CNTNAP5: variants seen among roughly 807,000 people sequenced by gnomAD.
The protein encoded by CNTNAP5 is contactin-associated protein-like 5.
In CNTNAP5, 72 loss-of-function variants were observed where a neutral mutation model predicts 150.2. The ratio of observed to expected loss-of-function variants is 0.48; its 90% CI spans 0.40 to 0.58. The LOEUF is 0.58. Among genes scored for constraint, CNTNAP5 ranks in the 20% least tolerant of loss-of-function variants. The pLI is 0.00. For synonymous variants in CNTNAP5, 672 were observed against 619.8 expected (o/e 1.08, Z -1.25); for missense variants, 1,636 against 1,626.2 (o/e 1.01, Z -0.10).
intron 1 of CNTNAP5, among the ~76,000 whole-genome samples, chr2:124,139,671 AT>A (rs1197303942): frequency 6.6e-6 from 1 of 152,204 alleles, no homozygotes; most frequent in East Asian, 1.9e-4. Context: ...TCGGTCTCTC[AT>A]TAGTGCACAC....
Position 124,880,051 on chromosome 2 carries a change from G to T in CNTNAP5, c.3436+10289G>T, listed in dbSNP as rs563133010. Among the ~76,000 whole-genome samples the T allele has an allele frequency of 4.6e-5, 7 of 152,248 alleles. No homozygotes were observed. In the East Asian group the frequency reaches 1.4e-3, roughly 29 times the overall value. On this transcript the variant is annotated intron_variant, in intron 21 of 23. Coordinates refer to ENST00000682447, the MANE Select transcript of CNTNAP5 (RefSeq NM_001367498.1). ...AGGAGAGGGAATTGAGGCTCGAGGA[G>T]TGTTGTGTGGCCACTGGTTACTCAT...
chr2:124,243,854 T>C (rs1482954449), intron 3 of CNTNAP5, among the ~76,000 whole-genome samples: 1 of 152,200 alleles, frequency 6.6e-6, no homozygotes, highest in Non-Finnish European at 1.5e-5. Flanking sequence ...GGGACTATTT[T>C]ATTTTTTCTC....
Position 124,598,781 on chromosome 2 carries a change from C to G in CNTNAP5, c.1757-11020C>G, listed in dbSNP as rs549436680. Reference sequence around the variant, plus strand: ...TGCAGTTTGATCTCAGACTGCTGTCCTAGCAATCAGCGAGATTCCGTGGGC... The same window carrying G: ...TGCAGTTTGATCTCAGACTGCTGTCGTAGCAATCAGCGAGATTCCGTGGGC... On this transcript the variant is annotated intron_variant, in intron 11 of 23. Transcript: ENST00000682447. 2.6e-5 allele frequency among the ~76,000 whole-genome samples: 4 copies of G among 152,254 alleles called. No individual in the cohort carries two copies. In the South Asian group the frequency reaches 6.2e-4, roughly 24 times the overall value.
intron 3 of CNTNAP5, among the ~76,000 whole-genome samples, chr2:124,325,962 C>G (rs1224829664): frequency 6.6e-6 from 1 of 151,860 alleles, no homozygotes; most frequent in Non-Finnish European, 1.5e-5. Context: ...ATGAACCACA[C>G]CAGCTAAAGG....
At position 124,615,085 on chromosome 2, in the gene CNTNAP5, C is replaced by A. The variant is rs980002253; in HGVS notation, c.1876+5165C>A. On this transcript the variant is annotated intron_variant, in intron 12 of 23. Coordinates refer to ENST00000682447, the MANE Select transcript of CNTNAP5 (RefSeq NM_001367498.1). The stretch of plus-strand genomic sequence containing the variant: ...GCCTTCAGTGAGTCTTAAGAGACCC[C>A]ATCATTTTTGCTGGTGGAGGAAAAA... Among the ~76,000 whole-genome samples, 7 of 152,048 alleles carry A rather than the reference C, an allele frequency of 4.6e-5. No individual in the cohort carries two copies. In the East Asian group the frequency reaches 1.3e-3, roughly 29 times the overall value.
intron 3 of CNTNAP5, among the ~76,000 whole-genome samples, chr2:124,377,566 TCAGGAGGCTGAGA>T (rs1045146376): frequency 4.0e-5 from 6 of 151,530 alleles, no homozygotes; most frequent in African/African-American, 1.5e-4. Flanking sequence ...TCCTAGCTAC[TCAGGAGGCTGAGA>T]CAGGAGAATC....
chr2:124,353,949 A>G (rs1573935827), intron 3 of CNTNAP5, among the ~76,000 whole-genome samples: 1 of 152,218 alleles, frequency 6.6e-6, no homozygotes, highest in African/African-American at 2.4e-5. Context: ...TCCAAGAGTT[A>G]TAAGTGACAG....
intron 13 of CNTNAP5, among the ~76,000 whole-genome samples, chr2:124,706,853 G>GA (rs1679664136): frequency 3.3e-5 from 1 of 30,490 alleles, no homozygotes; most frequent in South Asian, 1.2e-3. Context: ...GAAGGAGGAG[G>GA]AGGAGAAGGA....
At chr2:124,856,867 G>A (rs1677386688) in intron 19 of CNTNAP5, among the ~76,000 whole-genome samples, 1 of 152,100 alleles carries the variant, frequency 6.6e-6, no homozygotes, top group South Asian at 2.1e-4. Context: ...TCAACTTAAA[G>A]CCTGGCCAAA....
At chr2:124,222,061 A>G (rs1662790346) in intron 2 of CNTNAP5, among the ~76,000 whole-genome samples, 1 of 152,132 alleles carries the variant, frequency 6.6e-6, no homozygotes, top group African/African-American at 2.4e-5. Context: ...CTTTGTGAAA[A>G]TTACTTTATA....
At chr2:124,780,665 T>G (rs1411737805) in intron 17 of CNTNAP5, among the ~76,000 whole-genome samples, 1 of 152,232 alleles carries the variant, frequency 6.6e-6, no homozygotes, top group Non-Finnish European at 1.5e-5. Flanking sequence ...AAGACAGCCT[T>G]TTTTTGGGTT....
chr2:124,696,507 A>T (rs1252804117), intron 13 of CNTNAP5, among the ~76,000 whole-genome samples: 4 of 152,164 alleles, frequency 2.6e-5, no homozygotes, highest in African/African-American at 9.7e-5. Context: ...TCTAGTGGCC[A>T]TAGTCAGCCC....
chr2:124,176,932 C>T (rs1282423235), intron 1 of CNTNAP5, among the ~76,000 whole-genome samples: 1 of 149,308 alleles, frequency 6.7e-6, no homozygotes, highest in Non-Finnish European at 1.5e-5. Context: ...GCAACTTCTG[C>T]CTCCTGGGTT....
chr2:124,035,184 T>C (rs1190110380), intron 1 of CNTNAP5, among the ~76,000 whole-genome samples: 2 of 152,200 alleles, frequency 1.3e-5, no homozygotes, highest in African/African-American at 2.4e-5. Flanking sequence ...AAGGTAACTG[T>C]ACCATCTCAA....
chr2:124,361,994 C>A (rs1276267752), intron 3 of CNTNAP5, among the ~76,000 whole-genome samples: 1 of 152,216 alleles, frequency 6.6e-6, no homozygotes, highest in Non-Finnish European at 1.5e-5. Flanking sequence ...GAGCCAGGTG[C>A]GGGATATAAT....
chr2:124,185,471 A>G (rs546445427), intron 1 of CNTNAP5, among the ~76,000 whole-genome samples: 1 of 152,332 alleles, frequency 6.6e-6, no homozygotes, highest in African/African-American at 2.4e-5. Flanking sequence ...AAAATCTAGT[A>G]TCTCAATATG....
At chr2:124,752,413 A>G (rs1680747072) in intron 14 of CNTNAP5, among the ~76,000 whole-genome samples, 1 of 152,080 alleles carries the variant, frequency 6.6e-6, no homozygotes, top group African/African-American at 2.4e-5. Context: ...AGACCCAAGT[A>G]AATGAAGATA....
intron 19 of CNTNAP5, among the ~76,000 whole-genome samples, chr2:124,862,595 G>A (rs377651359): frequency 5.3e-5 from 8 of 152,180 alleles, no homozygotes; most frequent in African/African-American, 1.9e-4. Context: ...GCAATGCCAG[G>A]CAAGAAGCTG....
At chr2:124,254,193 T>A (rs1190818813) in intron 3 of CNTNAP5, among the ~76,000 whole-genome samples, 2 of 152,208 alleles carry the variant, frequency 1.3e-5, no homozygotes, top group Non-Finnish European at 2.9e-5. Flanking sequence ...AATCCTTATC[T>A]AAAGAAAACT....
Sources: gnomAD v4.1 joint callset for allele counts (sites outside exome capture counted in the v4.1 genomes callset) on GRCh38, gnomAD v4.1.1 for gene constraint, MANE v1.5 for transcripts, NCBI Gene and HGNC (gene_info 2026-07-23, HGNC 2026-07-21) for gene names.